Variants in SUCLA2 observed in about 807,000 individuals in gnomAD.
SUCLA2 encodes the protein succinate--CoA ligase [ADP-forming] subunit beta, mitochondrial.
A neutral mutation model predicts 54.8 loss-of-function variants in SUCLA2; 30 were observed. The observed-to-expected ratio is 0.55, with a 90% CI of 0.41 to 0.74. The LOEUF (loss-of-function observed/expected upper bound fraction) is 0.74. SUCLA2 is among the 30% of genes least tolerant of loss of function. The probability of loss-of-function intolerance (pLI) is 0.00; values close to 1 mark genes in which losing one functional copy is unlikely to be tolerated. For synonymous variants in SUCLA2, 172 were observed against 188.9 expected (o/e 0.91, Z 0.74); for missense variants, 476 against 562.9 (o/e 0.85, Z 1.56).
chr13:47,966,519 C>CG (rs569820208), intron 6 of SUCLA2, among the ~76,000 whole-genome samples: 788 of 66,360 alleles, frequency 0.012, 8 homozygotes, highest in African/African-American at 0.033. Context: ...AAGTAATTGC[C>CG]GTTTTTAAAA....
At chr13:47,957,096 A>G (rs1219247358) in intron 6 of SUCLA2, among the ~76,000 whole-genome samples, 2 of 152,204 alleles carry the variant, frequency 1.3e-5, no homozygotes, top group African/African-American at 4.8e-5. Flanking sequence ...CACCACATCC[A>G]GACAATGAGA....
At chr13:47,946,336 G>A (rs1949731139) in intron 10 of SUCLA2, among the ~76,000 whole-genome samples, 1 of 152,096 alleles carries the variant, frequency 6.6e-6, no homozygotes, top group Non-Finnish European at 1.5e-5. Context: ...ATTCCCTGCA[G>A]ATAAGGGGGG....
chr13:47,948,195 C>T (rs967753145), intron 10 of SUCLA2, among the ~76,000 whole-genome samples: 1 of 152,092 alleles, frequency 6.6e-6, no homozygotes, highest in African/African-American at 2.4e-5. Context: ...AGTAAGAATA[C>T]AGACAAAACA....
chr13:47,947,869 C>G (rs773490112), intron 10 of SUCLA2, among the ~76,000 whole-genome samples: 1 of 152,120 alleles, frequency 6.6e-6, no homozygotes, highest in Non-Finnish European at 1.5e-5. Flanking sequence ...AACAAATAAA[C>G]CACAGAAAAT....
intron 5 of SUCLA2, among the ~76,000 whole-genome samples, chr13:47,973,019 G>T (rs1949981162): frequency 6.6e-6 from 1 of 151,682 alleles, no homozygotes; most frequent in African/African-American, 2.4e-5. Context: ...CAAAGTGCTG[G>T]GATTACAGGC....
intron 5 of SUCLA2, 32 bp from the exon 6 acceptor site, chr13:47,968,765 G>A (rs770480538): frequency 6.2e-7 from 1 of 1,607,236 alleles, no homozygotes; most frequent in South Asian, 1.1e-5. Context: ...ATTATAGGTA[G>A]TTTGCATATG....
Position 47,949,004 on chromosome 13 carries a change from G to A in SUCLA2, c.1253C>T (p.Ala418Val). 5 of 1,613,758 alleles carry A rather than the reference G, an allele frequency of 3.1e-6. No individual in the cohort carries two copies. The highest frequency in any genetic ancestry group is 4.2e-6 in the Non-Finnish European group (5 of 1,179,746). The stretch of plus-strand genomic sequence containing the variant: ...TTTAAGTCCACTGTCCGCTATCAGT[G>A]CCTTAGCATCATCGACTCGTGTACC... ...LQGTRVDDAK[A>V]LIADSGLKIL... Residue 418 changes from alanine (A) to valine (V), a missense_variant, in exon 10 of 11, where the codon GCA becomes GTA. Coordinates refer to ENST00000646932, the MANE Select transcript of SUCLA2 (RefSeq NM_003850.3).
intron 10 of SUCLA2, among the ~76,000 whole-genome samples, chr13:47,947,281 A>G (rs1271138022): frequency 6.6e-6 from 1 of 150,872 alleles, no homozygotes; most frequent in Non-Finnish European, 1.5e-5. Context: ...CAATACACAC[A>G]CACACACACA....
At chr13:47,995,270 T>C (rs1487379010) in intron 2 of SUCLA2, among the ~76,000 whole-genome samples, 1 of 151,722 alleles carries the variant, frequency 6.6e-6, no homozygotes, top group Non-Finnish European at 1.5e-5. Context: ...ATAAATCAGG[T>C]CCCATTAACA....
intron 5 of SUCLA2, chr13:47,972,080 A>C: frequency 2.7e-6 from 1 of 375,994 alleles, no homozygotes. Flanking sequence ...GCAAAACCCC[A>C]TCTCTACTAA....
At chr13:47,964,138 A>G (rs988695996) in intron 6 of SUCLA2, among the ~76,000 whole-genome samples, 1 of 152,230 alleles carries the variant, frequency 6.6e-6, no homozygotes, top group Non-Finnish European at 1.5e-5. Context: ...TCAGCAATGA[A>G]AAAGAAAAAG....
chr13:47,988,697 T>C lies in SUCLA2; in HGVS notation c.378A>G (p.Glu126=). The C allele has an allele frequency of 1.2e-6, 2 of 1,613,802 alleles. No homozygotes were observed. The highest frequency in any genetic ancestry group is 1.7e-6 in the Non-Finnish European group (2 of 1,179,898). The change falls in exon 4 of 11, where the codon GAA becomes GAG. Residue 126 remains glutamate (E), a synonymous_variant. Transcript: ENST00000646932. The stretch of plus-strand genomic sequence containing the variant: ...TTTGTGAAGAAACAGCTTTTGCTTC[T>C]TCTGGACTAAAATAAGAAAAAGAAC... ...KGGVKIVFSP[E]EAKAVSSQMI...
At chr13:47,948,784 C>T (rs1426460484) in intron 10 of SUCLA2, among the ~76,000 whole-genome samples, 156 bp downstream of exon 10, 1 of 152,198 alleles carries the variant, frequency 6.6e-6, no homozygotes, top group Non-Finnish European at 1.5e-5. Context: ...TCTGCCTTAA[C>T]ATCTTTCAGC....
chr13:47,989,964 A>G (rs1187602075), intron 2 of SUCLA2, among the ~76,000 whole-genome samples: 1 of 152,228 alleles, frequency 6.6e-6, no homozygotes, highest in Non-Finnish European at 1.5e-5. Flanking sequence ...TAGACTGATT[A>G]CTATTTATCC....
At chr13:47,991,686 T>C (rs184512207) in intron 2 of SUCLA2, 1 of 152,180 alleles carries the variant, frequency 6.6e-6, no homozygotes, top group Admixed American at 6.5e-5. Context: ...TTGCTGAATG[T>C]TGAAAAAAAG....
At chr13:47,963,336 G>A (rs1167609169) in intron 6 of SUCLA2, among the ~76,000 whole-genome samples, 2 of 152,158 alleles carry the variant, frequency 1.3e-5, no homozygotes. Flanking sequence ...GTATAAATTT[G>A]GAGATTTTTA....
At chr13:47,947,823 T>A (rs932147485) in intron 10 of SUCLA2, among the ~76,000 whole-genome samples, 1 of 152,114 alleles carries the variant, frequency 6.6e-6, no homozygotes. Flanking sequence ...ATCCAGACTA[T>A]GAGAAACTTA....
intron 4 of SUCLA2, among the ~76,000 whole-genome samples, chr13:47,981,073 C>G (rs2137732491): frequency 6.6e-6 from 1 of 152,074 alleles, no homozygotes; most frequent in East Asian, 1.9e-4. Context: ...AAGGCACAGG[C>G]AGAAAAAAAG....
intron 4 of SUCLA2, among the ~76,000 whole-genome samples, chr13:47,973,776 C>T (rs1160453620): frequency 6.6e-6 from 1 of 152,118 alleles, no homozygotes; most frequent in Non-Finnish European, 1.5e-5. Flanking sequence ...AGAATGTGTT[C>T]ATGTCCTTTG....
Sources: gnomAD v4.1 joint callset for allele counts (sites outside exome capture counted in the v4.1 genomes callset) on GRCh38, gnomAD v4.1.1 for gene constraint, MANE v1.5 for transcripts, NCBI Gene and HGNC (gene_info 2026-07-23, HGNC 2026-07-21) for gene names.